Variants in WIPF1 observed in about 807,000 individuals in gnomAD.
WIPF1 encodes the protein WAS/WASL-interacting protein family member 1.
A neutral mutation model predicts 35.4 loss-of-function variants in WIPF1; 13 were observed. The ratio of observed to expected loss-of-function variants is 0.37; its 90% CI spans 0.24 to 0.58. The LOEUF (loss-of-function observed/expected upper bound fraction) is 0.58. WIPF1 is among the 20% of genes least tolerant of loss of function. The pLI is 0.74. For missense variants in WIPF1, 591 were observed against 667.0 expected (o/e 0.89, Z 1.25); for synonymous variants, 267 against 266.3 (o/e 1.00, Z -0.02).
intron 3 of WIPF1, among the ~76,000 whole-genome samples, chr2:174,578,460 G>A (rs999953503): frequency 1.3e-5 from 2 of 152,150 alleles, no homozygotes; most frequent in African/African-American, 4.8e-5. Flanking sequence ...TGGAGAGAAA[G>A]TAATTTAATA....
intron 1 of WIPF1, among the ~76,000 whole-genome samples, chr2:174,655,113 A>G (rs1422594704): frequency 6.6e-6 from 1 of 152,060 alleles, no homozygotes; most frequent in Non-Finnish European, 1.5e-5. Flanking sequence ...TGAGACCATG[A>G]CTGGCTGCCC....
intron 1 of WIPF1, among the ~76,000 whole-genome samples, chr2:174,586,479 T>C (rs1685427260): frequency 6.6e-6 from 1 of 151,918 alleles, no homozygotes; most frequent in African/African-American, 2.4e-5. Context: ...CGTAGCTGGG[T>C]AGGAAAGTTT....
chr2:174,665,436 A>C (rs1687870989), intron 1 of WIPF1: 1 of 152,224 alleles, frequency 6.6e-6, no homozygotes, highest in Admixed American at 6.5e-5. Flanking sequence ...CAACCGTGAA[A>C]GATTCAAAGA....
chr2:174,572,228 G>C lies in WIPF1; in HGVS notation c.577C>G (p.Pro193Ala). ...IPPPVPSTPR[P>A]IQSSPHNRGS... ...CGGTTGTGCGGACTTGATTGAATGG[G>C]TCTTGGAGTACTAGGTACTGGAGGA... is the stretch of plus-strand genomic sequence containing the variant. The change falls in exon 5 of 8, where the codon CCC becomes GCC. Residue 193 changes from proline to alanine, a missense_variant. This residue lies in a region of WIPF1 where 471 missense variants were observed against 501.1 expected (regional missense o/e 0.94). Coordinates refer to ENST00000679041, the MANE Select transcript of WIPF1 (RefSeq NM_001375834.1). 6.2e-7 allele frequency: 1 copy of C among 1,614,194 alleles called. No homozygotes were observed. The highest frequency in any genetic ancestry group is 8.5e-7 in the Non-Finnish European group (1 of 1,180,030).
At chr2:174,662,930 A>T (rs1425862198) in intron 1 of WIPF1, among the ~76,000 whole-genome samples, 1 of 152,238 alleles carries the variant, frequency 6.6e-6, no homozygotes, top group African/African-American at 2.4e-5. Context: ...AATTACTCAG[A>T]TTTCATTTCT....
rs1047580954 is a variant in WIPF1 at position 174,572,167 on chromosome 2, G to C, written c.638C>G (p.Pro213Arg). The C allele has an allele frequency of 6.2e-7, 1 of 1,613,972 alleles. No individual in the cohort carries two copies. Among genetic ancestry groups the C allele is most frequent in the Non-Finnish European group, 8.5e-7 (1 of 1,179,954 alleles). ...AGGGGGAGGAGTGGGCCCGGGGCTG[G>C]GCTGCCTGGGGCCTCCGGGCACTGG... is the stretch of plus-strand genomic sequence containing the variant. ...SPPVPGGPRQ[P>R]SPGPTPPPFP... Residue 213 changes from proline to arginine, a missense_variant, in exon 5 of 8, where the codon CCC becomes CGC. By Grantham distance (103) the Pro-to-Arg change is moderately radical. Coordinates refer to ENST00000679041, the MANE Select transcript of WIPF1 (RefSeq NM_001375834.1).
At chr2:174,658,994 G>A (rs1286083172) in intron 1 of WIPF1, among the ~76,000 whole-genome samples, 1 of 152,008 alleles carries the variant, frequency 6.6e-6, no homozygotes, top group East Asian at 1.9e-4. Flanking sequence ...GGAAAATGGA[G>A]ATAATATCTA....
intron 1 of WIPF1, among the ~76,000 whole-genome samples, chr2:174,626,840 C>A (rs1292995590): frequency 6.6e-6 from 1 of 152,166 alleles, no homozygotes; most frequent in East Asian, 1.9e-4. Flanking sequence ...TGTGCTCCCA[C>A]AGTCTATTCT....
chr2:174,569,292 T>C (rs1275914031), intron 5 of WIPF1, among the ~76,000 whole-genome samples: 1 of 152,230 alleles, frequency 6.6e-6, no homozygotes, highest in African/African-American at 2.4e-5. Flanking sequence ...TGCCCAGCCC[T>C]GATTGGTCTC....
At position 174,562,092 on chromosome 2, in the gene WIPF1, A is replaced by T. The variant is rs1684498736; in HGVS notation, c.*455T>A. 2.6e-6 allele frequency: 4 copies of T among 1,550,662 alleles called. No homozygotes were observed. Among genetic ancestry groups the T allele is most frequent in the Non-Finnish European group, 3.5e-6 (4 of 1,146,996 alleles). Reference sequence around the variant, plus strand: ...GGACATCCTGTGACTGCAAGTTTCCAGTGAGCCCTTACTCAGCAGCTTGCT... The same window carrying T: ...GGACATCCTGTGACTGCAAGTTTCCTGTGAGCCCTTACTCAGCAGCTTGCT... On this transcript the variant is annotated 3_prime_UTR_variant, in exon 8 of 8. Transcript: ENST00000679041.
intron 1 of WIPF1, among the ~76,000 whole-genome samples, chr2:174,681,196 T>C (rs1339022871): frequency 1.3e-5 from 2 of 152,176 alleles, no homozygotes; most frequent in African/African-American, 4.8e-5. Flanking sequence ...GAAGACAATA[T>C]TACGGAACTG....
chr2:174,635,529 G>GTTTTTTTTTT (rs1197924942), intron 1 of WIPF1, among the ~76,000 whole-genome samples: 6 of 115,620 alleles, frequency 5.2e-5, no homozygotes, highest in African/African-American at 1.0e-4. Context: ...CCTTCTGTTT[G>GTTTTTTTTTT]TTTTTTTTTT....
chr2:174,601,165 G>C (rs943381604), upstream of WIPF1, among the ~76,000 whole-genome samples: 3 of 152,008 alleles, frequency 2.0e-5, no homozygotes, highest in Non-Finnish European at 4.4e-5. Flanking sequence ...GGCCTCAAGT[G>C]ATCTGTCCAC....
intron 1 of WIPF1, among the ~76,000 whole-genome samples, chr2:174,586,147 A>G (rs952049505): frequency 1.1e-4 from 16 of 152,162 alleles, no homozygotes; most frequent in Admixed American, 9.8e-4. Context: ...GGGAGAGGGC[A>G]TGGAGAATGT....
intron 1 of WIPF1, among the ~76,000 whole-genome samples, chr2:174,616,949 C>T (rs946033539): frequency 6.6e-6 from 1 of 151,916 alleles, no homozygotes; most frequent in African/African-American, 2.4e-5. Flanking sequence ...AAATTTGTCT[C>T]ACAACTGATG....
chr2:174,623,211 C>T lies in WIPF1; in HGVS notation c.-38-37600G>A, dbSNP rs539848172. Reference sequence around the variant, plus strand: ...AGTCTATTGTTGTGTAATAAATTAGCCCAGAACTAAGTAGCTGAAACCAAT... The same window carrying T: ...AGTCTATTGTTGTGTAATAAATTAGTCCAGAACTAAGTAGCTGAAACCAAT... On this transcript the variant is annotated intron_variant, in intron 1 of 8. Transcript: ENST00000272746. Among the ~76,000 whole-genome samples, 5 of 152,232 alleles carry T rather than the reference C, an allele frequency of 3.3e-5. No homozygotes were observed. The South Asian group carries it at 1.0e-3, about 32-fold the overall frequency.
At chr2:174,575,652 G>T (rs1441602192) in intron 3 of WIPF1, among the ~76,000 whole-genome samples, 1 of 152,204 alleles carries the variant, frequency 6.6e-6, no homozygotes, top group African/African-American at 2.4e-5. Context: ...GTCAGTATCT[G>T]TTTGTTCCGT....
At chr2:174,677,271 G>A (rs1237416155) in intron 1 of WIPF1, 1 of 152,190 alleles carries the variant, frequency 6.6e-6, no homozygotes, top group Admixed American at 6.5e-5. Flanking sequence ...GATCTGTTTG[G>A]CTTTCATGAA....
At chr2:174,584,277 A>G (rs891889426) in intron 2 of WIPF1, among the ~76,000 whole-genome samples, 3 of 152,162 alleles carry the variant, frequency 2.0e-5, no homozygotes, top group Non-Finnish European at 4.4e-5. Context: ...TGTCCTCATC[A>G]CTTTGGGGAC....
Sources: gnomAD v4.1 joint callset for allele counts (sites outside exome capture counted in the v4.1 genomes callset) on GRCh38, gnomAD v4.1.1 for gene constraint, gnomAD v4.1.1 regional missense constraint, MANE v1.5 for transcripts, NCBI Gene and HGNC (gene_info 2026-07-23, HGNC 2026-07-21) for gene names.